ANKRD17: variants seen among roughly 807,000 people sequenced by gnomAD.
ANKRD17 encodes ankyrin repeat domain-containing protein 17.
A neutral mutation model predicts 229.7 loss-of-function variants in ANKRD17; 19 were observed. That is an observed-to-expected ratio of 0.08 (90% confidence interval 0.06 to 0.12). The LOEUF is 0.12. Among genes scored for constraint, ANKRD17 ranks in the 10% least tolerant of loss-of-function variants. The pLI is 1.00. For synonymous variants in ANKRD17, 1,112 were observed against 1,146.1 expected (o/e 0.97, Z 0.60); for missense variants, 2,176 against 3,176.8 (o/e 0.68, Z 7.57).
chr4:73,193,292 ATTTG>A (rs1229729671), intron 1 of ANKRD17, among the ~76,000 whole-genome samples: 1 of 152,198 alleles, frequency 6.6e-6, no homozygotes, highest in African/African-American at 2.4e-5. Context: ...ATGTATCACA[ATTTG>A]TTTGGTTATT....
Position 73,258,737 on chromosome 4 carries a change from G to T in ANKRD17, c.-69C>A. On this transcript the variant is annotated 5_prime_UTR_variant, in exon 1 of 34. Transcript: ENST00000358602. ...GCTACGCTCTACCGCGACTTCGGCCGCACTGGGGCCGACACAGCAATCGGT... is the reference window on the plus strand; with the variant it reads ...GCTACGCTCTACCGCGACTTCGGCCTCACTGGGGCCGACACAGCAATCGGT... 7.3e-7 allele frequency: 1 copy of T among 1,369,856 alleles called. No homozygotes were observed. The highest frequency in any genetic ancestry group is 9.3e-7 in the Non-Finnish European group (1 of 1,070,560). 84.9% of individuals were successfully genotyped at this position (1,369,856 alleles called of 1,614,324 possible). A position where few individuals can be genotyped will look rare whatever the true frequency, so the allele number is the denominator to read the frequency against.
At chr4:73,251,111 C>A (rs779693647) in intron 1 of ANKRD17, among the ~76,000 whole-genome samples, 1 of 152,046 alleles carries the variant, frequency 6.6e-6, no homozygotes, top group Non-Finnish European at 1.5e-5. Flanking sequence ...TCTCTACACA[C>A]ACACAAAAAG....
At chr4:73,221,010 C>T (rs1203143795) in intron 1 of ANKRD17, among the ~76,000 whole-genome samples, 2 of 152,160 alleles carry the variant, frequency 1.3e-5, no homozygotes, top group South Asian at 4.1e-4. Flanking sequence ...CATTTATCTG[C>T]AAAGTTAGCA....
In ANKRD17 at chr4:73,203,758, CAAAAAAAAAA is replaced by C. The variant is rs67020753; in HGVS notation, c.394-26235_394-26226del. ...TGGGCGACAGAGCGAGACTCCGTCTCAAAAAAAAAAAAAAAAAAAAAGAAAAAGAAATAAT... is the reference window on the plus strand; with the variant it reads ...TGGGCGACAGAGCGAGACTCCGTCTCAAAAAAAAAAAGAAAAAGAAATAAT... On this transcript the variant is annotated intron_variant, in intron 1 of 33. Coordinates refer to ENST00000358602, the MANE Select transcript of ANKRD17 (RefSeq NM_032217.5). Among the ~76,000 whole-genome samples, 7 of 82,166 alleles carry C rather than the reference CAAAAAAAAAA, an allele frequency of 8.5e-5. No homozygotes were observed. The South Asian group carries it at 2.7e-3, about 32-fold the overall frequency. 53.9% of individuals were successfully genotyped at this position (82,166 alleles called of 152,430 possible). A position where few individuals can be genotyped will look rare whatever the true frequency, so the allele number is the denominator to read the frequency against.
rs919562930 is a variant in ANKRD17 at position 73,156,136 on chromosome 4, T to C, written c.735A>G (p.Gly245=). ...GTAACTTTCGCACAGCATTTACATCTCCTTCTGAACAGGCTTCTGCCAAAC... is the reference window on the plus strand; with the variant it reads ...GTAACTTTCGCACAGCATTTACATCCCCTTCTGAACAGGCTTCTGCCAAAC... ...NRSLAEACSE[G]DVNAVRKLLI... Residue 245 remains glycine, a synonymous_variant, in exon 4 of 34, where the codon GGA becomes GGG. Coordinates refer to ENST00000358602, the MANE Select transcript of ANKRD17 (RefSeq NM_032217.5). The C allele has an allele frequency of 1.2e-6, 2 of 1,610,358 alleles. No individual in the cohort carries two copies. The highest frequency in any genetic ancestry group is 1.7e-6 in the Non-Finnish European group (2 of 1,179,188).
chr4:73,164,165 TG>T (rs1021870729), intron 2 of ANKRD17, among the ~76,000 whole-genome samples: 2 of 152,160 alleles, frequency 1.3e-5, no homozygotes, highest in African/African-American at 4.8e-5. Context: ...AATTTCCACA[TG>T]AAAAAAATTA....
At chr4:73,163,096 T>A (rs1010982418) in intron 2 of ANKRD17, among the ~76,000 whole-genome samples, 4 of 151,494 alleles carry the variant, frequency 2.6e-5, no homozygotes, top group Admixed American at 2.6e-4. Flanking sequence ...GAACTCCTAG[T>A]TTAAGTGATC....
intron 1 of ANKRD17, among the ~76,000 whole-genome samples, chr4:73,223,519 A>G (rs1211982062): frequency 6.6e-6 from 1 of 152,208 alleles, no homozygotes; most frequent in Non-Finnish European, 1.5e-5. Context: ...ATTATATAAC[A>G]TACATATTAC....
chr4:73,097,546 T>C (rs568649450), intron 26 of ANKRD17, among the ~76,000 whole-genome samples: 1 of 152,062 alleles, frequency 6.6e-6, no homozygotes, highest in South Asian at 2.1e-4. Flanking sequence ...GTGATCCTTC[T>C]GCCTCAGCCT....
chr4:73,218,890 G>A (rs1741474369), intron 1 of ANKRD17, among the ~76,000 whole-genome samples: 3 of 151,906 alleles, frequency 2.0e-5, no homozygotes, highest in Non-Finnish European at 4.4e-5. Flanking sequence ...GTGAAACCCC[G>A]TCTCTACTAA....
rs1212096686 is a variant in ANKRD17, at chr4:73,084,029, C to A, written c.7159+1220G>T. Among the ~76,000 whole-genome samples, 5 of 151,446 alleles carry A rather than the reference C, an allele frequency of 3.3e-5. No individual in the cohort carries two copies. The East Asian group carries it at 9.7e-4, about 29-fold the overall frequency. ...ATCTTTACCTGGAAAACAAACATAT[C>A]CAACCTTACTACAGAATTCTCTTAG... is the stretch of plus-strand genomic sequence containing the variant. On this transcript the variant is annotated intron_variant, in intron 30 of 33. Transcript: ENST00000358602.
rs936506776 is a variant in ANKRD17 at position 73,238,804 on chromosome 4, G to A, written c.393+19472C>T. ...GGATGGTAAGAAGGCAGTACAATAT[G>A]AGAGTTAAGAAAGCAGACTTTCATG... On this transcript the variant is annotated intron_variant, in intron 1 of 33. Transcript: ENST00000358602. Among the ~76,000 whole-genome samples, 3 of 152,110 alleles carry A rather than the reference G, an allele frequency of 2.0e-5. No individual in the cohort carries two copies. In the South Asian group the frequency reaches 6.2e-4, roughly 31 times the overall value.
At position 73,140,253 on chromosome 4, in the gene ANKRD17, A is replaced by G. The variant is rs765773282; in HGVS notation, c.2363T>C (p.Leu788Ser). The G allele has an allele frequency of 1.2e-6, 2 of 1,601,578 alleles. No homozygotes were observed. Reference protein sequence around the residue: ...AASKQKSSSHLPANSQDVQGY... With the variant: ...AASKQKSSSHSPANSQDVQGY... ...CTGTACATCCTGGCTGTTTGCTGGCAAATGGCTGCTGGACTTTTGTTTAGA... is the reference window on the plus strand; with the variant it reads ...CTGTACATCCTGGCTGTTTGCTGGCGAATGGCTGCTGGACTTTTGTTTAGA... The change falls in exon 15 of 34, where the codon TTG becomes TCG. Residue 788 changes from leucine (L) to serine (S), a missense_variant. This residue lies in a region of ANKRD17 where 275 missense variants were observed against 386.9 expected (regional missense o/e 0.71). Transcript: ENST00000358602.
rs1365576521 is a variant in ANKRD17, at chr4:73,125,048, T to C, written c.3357A>G (p.Pro1119=). Residue 1119 remains proline, a synonymous_variant, in exon 18 of 34, where the codon CCA becomes CCG. Coordinates refer to ENST00000358602, the MANE Select transcript of ANKRD17 (RefSeq NM_032217.5). ...IEHRDKKGFT[P]LILAATAGHV... is the part of the protein sequence containing the mutation. ...GACCAGCTGTGGCAGCCAAGATGAGTGGAGTAAAACCTGGAGAAAAATAAT... is the reference window on the plus strand; with the variant it reads ...GACCAGCTGTGGCAGCCAAGATGAGCGGAGTAAAACCTGGAGAAAAATAAT... 1 of 1,614,052 alleles carries C rather than the reference T, an allele frequency of 6.2e-7. No homozygotes were observed. The highest frequency in any genetic ancestry group is 1.7e-5 in the Admixed American group (1 of 60,020).
At chr4:73,230,916 T>C (rs1274926645) in intron 1 of ANKRD17, among the ~76,000 whole-genome samples, 4 of 152,190 alleles carry the variant, frequency 2.6e-5, no homozygotes, top group African/African-American at 9.7e-5. Flanking sequence ...TACACAAAAC[T>C]GATAAAATAT....
Position 73,091,692 on chromosome 4 carries a change from G to A in ANKRD17, c.5936C>T (p.Thr1979Met), listed in dbSNP as rs755183443. Reference sequence around the variant, plus strand: ...GCCATTTGTAGATGTACCAGGCACCGTTGAAGCTGATGAACTGGTTGTAGT... The same window carrying A: ...GCCATTTGTAGATGTACCAGGCACCATTGAAGCTGATGAACTGGTTGTAGT... Reference protein sequence around the residue: ...PTTTTSSSASTVPGTSTNGSP... With the variant: ...PTTTTSSSASMVPGTSTNGSP... The change falls in exon 29 of 34, where the codon ACG becomes ATG. Residue 1979 changes from threonine (T) to methionine (M), a missense_variant. This residue lies in a region of ANKRD17 where 424 missense variants were observed against 454.0 expected (regional missense o/e 0.93). Transcript: ENST00000358602. The A allele has an allele frequency of 1.7e-5, 27 of 1,614,040 alleles. No homozygotes were observed. Among genetic ancestry groups the A allele is most frequent in the Admixed American group, 3.3e-5 (2 of 59,992 alleles).
At chr4:73,156,264 G>C in intron 3 of ANKRD17, 98 bp from the exon 4 acceptor site, 5 of 1,404,038 alleles carry the variant, frequency 3.6e-6, no homozygotes, top group Non-Finnish European at 4.7e-6. Context: ...TTGTTGTTTA[G>C]AAACGGAGTC....
rs1203466902 is a variant in ANKRD17 at position 73,074,365 on chromosome 4, C to A, written c.*1866G>T. On this transcript the variant is annotated 3_prime_UTR_variant, in exon 34 of 34. Transcript: ENST00000358602. ...AAAAATTTTATGTATAGAATAGTGG[C>A]AAGTCATATATAAAATACTTCGTTA... The A allele has an allele frequency of 6.6e-6, 1 of 151,914 alleles. No homozygotes were observed. The highest frequency in any genetic ancestry group is 2.4e-5 in the African/African-American group (1 of 41,410). The allele number at this position is 151,914 out of a possible 1,614,324, so 9.4% of individuals were successfully genotyped here.
At chr4:73,143,985 C>CCTGA (rs1729922737) in intron 11 of ANKRD17, among the ~76,000 whole-genome samples, 1 of 152,168 alleles carries the variant, frequency 6.6e-6, no homozygotes, top group Admixed American at 6.5e-5. Context: ...AAAGGACCCT[C>CCTGA]CTGACTCGAG....
Sources: gnomAD v4.1 joint callset for allele counts (sites outside exome capture counted in the v4.1 genomes callset) on GRCh38, gnomAD v4.1.1 for gene constraint, gnomAD v4.1.1 regional missense constraint, MANE v1.5 for transcripts, NCBI Gene and HGNC (gene_info 2026-07-23, HGNC 2026-07-21) for gene names.